DLG2: variants seen among roughly 807,000 people sequenced by gnomAD.
The protein encoded by DLG2 is discs large MAGUK scaffold protein 2.
DLG2 carries 45 observed loss-of-function variants against 132.5 expected under a neutral mutation model. That is an observed-to-expected ratio of 0.34 (90% CI 0.27 to 0.44). The LOEUF (loss-of-function observed/expected upper bound fraction) is 0.44, where lower values mean the gene tolerates loss of function less well. Ranked by LOEUF, DLG2 falls within the 20% of genes least tolerant of loss-of-function variation. The probability of loss-of-function intolerance (pLI) is 1.00; values close to 1 mark genes in which losing one functional copy is unlikely to be tolerated. For missense variants in DLG2, 1,045 were observed against 1,196.9 expected, an observed-to-expected ratio of 0.87 and a Z score of 1.87; for synonymous variants, 424 against 419.6, an observed-to-expected ratio of 1.01 and a Z score of -0.13.
At chr11:84,779,269 A>G (rs1358067232) in intron 6 of DLG2, among the ~76,000 whole-genome samples, 1 of 152,060 alleles carries the variant, frequency 6.6e-6, no homozygotes, top group Non-Finnish European at 1.5e-5. Context: ...CCTCTGGAGA[A>G]CCCTAATATA....
At chr11:83,739,535 A>G (rs2092326700) in intron 18 of DLG2, among the ~76,000 whole-genome samples, 2 of 152,160 alleles carry the variant, frequency 1.3e-5, no homozygotes. Context: ...TGACCGAGAG[A>G]TTTGATCAGG....
At chr11:84,385,484 A>C (rs1387821673) in intron 7 of DLG2, among the ~76,000 whole-genome samples, 2 of 152,116 alleles carry the variant, frequency 1.3e-5, no homozygotes, top group Non-Finnish European at 2.9e-5. Flanking sequence ...ATTGAAACAT[A>C]CTACAAGGTT....
At chr11:85,386,818 AAGAAAGAG>A (rs2086370690) in intron 3 of DLG2, among the ~76,000 whole-genome samples, 1 of 151,644 alleles carries the variant, frequency 6.6e-6, no homozygotes, top group African/African-American at 2.4e-5. Flanking sequence ...TAAAACAGGA[AAGAAAGAG>A]AGAAAGAGAG....
intron 6 of DLG2, among the ~76,000 whole-genome samples, chr11:84,643,100 C>T (rs2099670026): frequency 6.6e-6 from 1 of 152,132 alleles, no homozygotes; most frequent in Non-Finnish European, 1.5e-5. Flanking sequence ...ACTATGTAGA[C>T]ACCTGTTAAT....
intron 4 of DLG2, among the ~76,000 whole-genome samples, chr11:85,256,664 G>A (rs563581635): frequency 7.9e-5 from 12 of 152,212 alleles, no homozygotes; most frequent in Non-Finnish European, 1.3e-4. Context: ...CCTCCTGTAA[G>A]GGGGTTTGAG....
chr11:85,204,925 T>C (rs180880299), intron 4 of DLG2, among the ~76,000 whole-genome samples: 10 of 151,966 alleles, frequency 6.6e-5, no homozygotes, highest in African/African-American at 2.4e-4. Context: ...AGAAAATGCA[T>C]TGGAGAAGGG....
At chr11:84,972,297 A>G (rs888022164) in intron 6 of DLG2, among the ~76,000 whole-genome samples, 1 of 152,140 alleles carries the variant, frequency 6.6e-6, no homozygotes, top group Non-Finnish European at 1.5e-5. Flanking sequence ...ACATTTGCAT[A>G]CACAGTCTTT....
At chr11:84,643,510 G>T (rs1187118757) in intron 6 of DLG2, among the ~76,000 whole-genome samples, 2 of 152,088 alleles carry the variant, frequency 1.3e-5, no homozygotes, top group East Asian at 1.9e-4. Flanking sequence ...CATAATGCAG[G>T]TTAGTAAAAT....
At position 84,463,992 on chromosome 11, in the gene DLG2, A is replaced by G. The variant is rs185846815; in HGVS notation, c.519+70578T>C. On this transcript the variant is annotated intron_variant, in intron 7 of 27. Transcript: ENST00000376104. ...TTAGTGAATGAATTAGCAATTATGT[A>G]TACAGCAACATACATCAAATATGCA... 1.7e-4 allele frequency among the ~76,000 whole-genome samples: 26 copies of G among 151,410 alleles called. No homozygotes were observed. In the East Asian group the frequency reaches 3.7e-3, roughly 22 times the overall value.
At chr11:85,542,525 CATATCTTCA>C in intron 3 of DLG2, among the ~76,000 whole-genome samples, 1 of 152,106 alleles carries the variant, frequency 6.6e-6, no homozygotes, top group East Asian at 1.9e-4. Flanking sequence ...TAATAGATAC[CATATCTTCA>C]ATATCAGCAT....
At chr11:84,098,695 A>G (rs1056761944) in intron 10 of DLG2, among the ~76,000 whole-genome samples, 4 of 152,184 alleles carry the variant, frequency 2.6e-5, no homozygotes, top group African/African-American at 9.6e-5. Flanking sequence ...CCCTCCTCAC[A>G]GTGCCTGGCC....
chr11:84,179,115 AT>A (rs1205968885), intron 8 of DLG2, among the ~76,000 whole-genome samples: 1 of 152,150 alleles, frequency 6.6e-6, no homozygotes. Flanking sequence ...AAATTAAAGT[AT>A]GACAACAATG....
intron 7 of DLG2, among the ~76,000 whole-genome samples, chr11:84,416,779 C>A (rs575219636): frequency 1.3e-5 from 2 of 152,264 alleles, no homozygotes; most frequent in East Asian, 1.9e-4. Context: ...AGATCTCACA[C>A]AGTATATGTG....
intron 7 of DLG2, among the ~76,000 whole-genome samples, chr11:84,441,685 T>C (rs2099017698): frequency 1.3e-5 from 2 of 152,180 alleles, no homozygotes; most frequent in Admixed American, 1.3e-4. Flanking sequence ...CAAAAATGTA[T>C]TGAGTATTAC....
chr11:84,937,572 C>T (rs1045048592), intron 6 of DLG2, among the ~76,000 whole-genome samples: 20 of 151,786 alleles, frequency 1.3e-4, no homozygotes, highest in Admixed American at 4.6e-4. Context: ...CTCTGGAGGA[C>T]GAGTAGGATT....
intron 3 of DLG2, among the ~76,000 whole-genome samples, chr11:85,440,435 T>C (rs75136502): frequency 0.023 from 3,443 of 152,258 alleles, 126 homozygotes; most frequent in African/African-American, 0.077. Flanking sequence ...TAACCAGACA[T>C]TTTTCTCATT....
intron 9 of DLG2, among the ~76,000 whole-genome samples, chr11:84,159,546 G>C (rs1226984711): frequency 6.6e-6 from 1 of 152,204 alleles, no homozygotes. Flanking sequence ...ACCGTGGCTA[G>C]AGTGAAATTT....
chr11:84,931,516 G>C (rs754147691), intron 6 of DLG2, among the ~76,000 whole-genome samples: 5 of 152,114 alleles, frequency 3.3e-5, no homozygotes, highest in African/African-American at 4.8e-5. Context: ...TTTTATGGAC[G>C]CATAGTATTT....
chr11:84,661,410 T>C (rs2099694339), intron 6 of DLG2, among the ~76,000 whole-genome samples: 1 of 152,142 alleles, frequency 6.6e-6, no homozygotes, highest in African/African-American at 2.4e-5. Context: ...GGGGACCCAT[T>C]TTATCCTCTG....
Sources: gnomAD v4.1 joint callset for allele counts (sites outside exome capture counted in the v4.1 genomes callset) on GRCh38, gnomAD v4.1.1 for gene constraint, MANE v1.5 for transcripts, NCBI Gene and HGNC (gene_info 2026-07-23, HGNC 2026-07-21) for gene names.